The following CD109 variants were observed in gnomAD, a reference collection of about 807,000 sequenced individuals.
CD109 encodes CD109 antigen.
Under a neutral mutation model 165.8 loss-of-function variants are expected in CD109, and 149 were observed. The observed-to-expected ratio is 0.90, with a 90% CI of 0.79 to 1.03. The LOEUF (loss-of-function observed/expected upper bound fraction) is 1.03. Among genes scored for constraint, CD109 ranks in the 50% least tolerant of loss-of-function variants. The probability of loss-of-function intolerance (pLI) is 0.00; values close to 1 mark genes in which losing one functional copy is unlikely to be tolerated. For synonymous variants in CD109, 585 were observed against 592.1 expected (o/e 0.99, Z 0.18); for missense variants, 1,712 against 1,677.8 (o/e 1.02, Z -0.36).
chr6:73,750,975 AAT>A (rs1773167638), intron 5 of CD109, among the ~76,000 whole-genome samples: 1 of 152,062 alleles, frequency 6.6e-6, no homozygotes, highest in Non-Finnish European at 1.5e-5. Flanking sequence ...TACATTCAGT[AAT>A]TAATATGTCC....
chr6:73,727,799 G>A (rs78089202), intron 3 of CD109, among the ~76,000 whole-genome samples: 89 of 152,220 alleles, frequency 5.8e-4, no homozygotes, highest in African/African-American at 1.9e-3. Flanking sequence ...TTTAGAAATC[G>A]ATGCCATTTA....
intron 4 of CD109, among the ~76,000 whole-genome samples, 168 bp downstream of exon 4, chr6:73,730,742 G>A (rs1772336240): frequency 2.0e-5 from 3 of 152,150 alleles, no homozygotes; most frequent in African/African-American, 4.8e-5. Context: ...GCATGCACTG[G>A]GTTAAGAGCT....
chr6:73,792,287 T>C (rs1268875440), intron 22 of CD109, among the ~76,000 whole-genome samples: 5 of 152,232 alleles, frequency 3.3e-5, no homozygotes, highest in Non-Finnish European at 1.5e-5. Context: ...AAAATGTTTC[T>C]TTCCTGTATG....
chr6:73,802,305 ATTTTTTTTTTTT>A (rs71542232), intron 23 of CD109, among the ~76,000 whole-genome samples: 3 of 47,630 alleles, frequency 6.3e-5, no homozygotes, highest in African/African-American at 2.6e-4. Context: ...ATATATATAT[ATTTTTTTTTTTT>A]TTTTTTTTTT....
At chr6:73,774,852 C>T (rs188528291) in intron 15 of CD109, among the ~76,000 whole-genome samples, 6 of 152,134 alleles carry the variant, frequency 3.9e-5, no homozygotes, top group African/African-American at 1.2e-4. Flanking sequence ...TCACTGTGCA[C>T]GTTAAAGTTT....
At chr6:73,712,953 G>A (rs1278112233) in intron 2 of CD109, among the ~76,000 whole-genome samples, 2 of 152,168 alleles carry the variant, frequency 1.3e-5, no homozygotes, top group East Asian at 3.8e-4. Flanking sequence ...ACCATTTCCC[G>A]TGTCTGAATG....
chr6:73,773,158 A>G (rs1774108423), intron 15 of CD109, among the ~76,000 whole-genome samples: 1 of 150,546 alleles, frequency 6.6e-6, no homozygotes, highest in African/African-American at 2.4e-5. Flanking sequence ...TGTGCTGCGC[A>G]CTCTGTCTCT....
At chr6:73,788,701 A>G in intron 22 of CD109, 89 bp downstream of exon 22, 1 of 1,203,582 alleles carries the variant, frequency 8.3e-7, no homozygotes, top group Non-Finnish European at 1.1e-6. Flanking sequence ...TTTCTTATTG[A>G]GTCCTAATAA....
intron 4 of CD109, among the ~76,000 whole-genome samples, chr6:73,731,051 CTT>C (rs1405149756): frequency 2.1e-5 from 3 of 145,148 alleles, no homozygotes; most frequent in Admixed American, 6.9e-5. Flanking sequence ...TTCTTTCTTT[CTT>C]TTTTTTTTTT....
intron 2 of CD109, among the ~76,000 whole-genome samples, chr6:73,715,185 G>A (rs550116084): frequency 3.3e-5 from 5 of 151,968 alleles, no homozygotes; most frequent in Non-Finnish European, 7.4e-5. Flanking sequence ...TCTTGAACCC[G>A]GGAGGTGGAG....
Position 73,808,155 on chromosome 6 carries a change from A to T in CD109, c.3262A>T (p.Thr1088Ser), listed in dbSNP as rs550083893. ...EFSRGISDNY[T>S]LALITYALSS... ...CAGTAGAGGAATTTCAGACAATTAT[A>T]CTCTAGCCCTTATAACTTATGCATT... The change falls in exon 26 of 33, where the codon ACT becomes TCT. Residue 1088 changes from threonine (T) to serine (S), a missense_variant. By Grantham distance (58) the Thr-to-Ser change is moderately conservative. Transcript: ENST00000287097. 1.5e-5 allele frequency: 24 copies of T among 1,613,428 alleles called. No individual in the cohort carries two copies. The South Asian group carries it at 2.2e-4, about 15-fold the overall frequency.
intron 17 of CD109, among the ~76,000 whole-genome samples, chr6:73,782,190 C>T (rs1774534174): frequency 6.6e-6 from 1 of 152,036 alleles, no homozygotes; most frequent in Admixed American, 6.6e-5. Flanking sequence ...ATCCTCTGTC[C>T]TGAAACTTAA....
At chr6:73,768,572 G>A (rs1179030436) in intron 14 of CD109, among the ~76,000 whole-genome samples, 1 of 152,144 alleles carries the variant, frequency 6.6e-6, no homozygotes, top group African/African-American at 2.4e-5. Flanking sequence ...TGTTGATATT[G>A]CAGTGATATA....
At chr6:73,771,888 T>G (rs942358478) in intron 15 of CD109, among the ~76,000 whole-genome samples, 1 of 152,222 alleles carries the variant, frequency 6.6e-6, no homozygotes, top group African/African-American at 2.4e-5. Context: ...TACCATATAC[T>G]TGAAAATTGC....
chr6:73,780,051 A>G (rs1021055786), intron 15 of CD109, among the ~76,000 whole-genome samples: 6 of 147,446 alleles, frequency 4.1e-5, no homozygotes, highest in African/African-American at 1.3e-4. Context: ...GGTCACTGAC[A>G]TTTTGCAGAG....
chr6:73,697,302 G>A, intron 1 of CD109, 98 bp from the exon 2 acceptor site: 1 of 1,063,624 alleles, frequency 9.4e-7, no homozygotes, highest in Non-Finnish European at 1.4e-6. Context: ...AATTGGCGCA[G>A]TATGGAGTGC....
intron 21 of CD109, 119 bp downstream of exon 21, chr6:73,787,571 C>T: frequency 6.1e-6 from 4 of 655,054 alleles, no homozygotes; most frequent in Admixed American, 2.9e-5. Context: ...CTTTACCCTT[C>T]TGGTAATGCC....
In CD109 at chr6:73,766,027, G is replaced by A; in HGVS notation, c.1205G>A (p.Trp402Ter). 1.2e-6 allele frequency: 2 copies of A among 1,613,826 alleles called. No individual in the cohort carries two copies. The highest frequency in any genetic ancestry group is 3.3e-5 in the Admixed American group (2 of 60,008). ...TVTQRNYTEY[W>*]SGSNSGNQKM... ...ACACAGAGAAACTATACTGAGTACT[G>A]GAGCGGATCTAACAGTGGAAATCAG... Residue 402 changes from tryptophan (W) to a stop codon, truncating the protein, a stop_gained, in exon 11 of 33, where the codon TGG becomes TAG. Coordinates refer to ENST00000287097, the MANE Select transcript of CD109 (RefSeq NM_133493.5). LOFTEE classifies it high-confidence loss of function.
intron 25 of CD109, among the ~76,000 whole-genome samples, chr6:73,807,623 C>T (rs924299211): frequency 6.6e-6 from 1 of 152,168 alleles, no homozygotes; most frequent in Non-Finnish European, 1.5e-5. Flanking sequence ...TTACTGCTTA[C>T]TGCCTGCTGC....
Sources: allele counts gnomAD v4.1 joint callset (sites outside exome capture counted in the v4.1 genomes callset), GRCh38; gene constraint gnomAD v4.1.1; transcripts MANE v1.5; gene names NCBI Gene and HGNC (gene_info 2026-07-23, HGNC 2026-07-21).